FBXL17: variants seen among roughly 807,000 people sequenced by gnomAD.
FBXL17 encodes F-box and leucine rich repeat protein 17.
FBXL17 carries 22 observed loss-of-function variants against 66.2 expected under a neutral mutation model. That is an observed-to-expected ratio of 0.33 (90% confidence interval 0.24 to 0.47). The LOEUF (loss-of-function observed/expected upper bound fraction) is 0.47, where lower values mean the gene tolerates loss of function less well. FBXL17 is among the 20% of genes least tolerant of loss of function. The pLI is 1.00. For synonymous variants in FBXL17, 474 were observed against 400.5 expected, an observed-to-expected ratio of 1.18 and a Z score of -2.19; for missense variants, 878 against 948.2, an observed-to-expected ratio of 0.93 and a Z score of 0.97.
intron 3 of FBXL17, among the ~76,000 whole-genome samples, chr5:108,355,586 A>T (rs769168516): frequency 6.6e-6 from 1 of 152,116 alleles, no homozygotes; most frequent in Non-Finnish European, 1.5e-5. Context: ...CCCAGCCAGA[A>T]AACTTTAAAA....
At chr5:108,152,922 T>C (rs1751827252) in intron 6 of FBXL17, among the ~76,000 whole-genome samples, 1 of 152,206 alleles carries the variant, frequency 6.6e-6, no homozygotes, top group Admixed American at 6.5e-5. Context: ...ATAATTCCCA[T>C]GTGTCGTGGG....
At chr5:108,016,210 A>C (rs1219286749) in intron 7 of FBXL17, among the ~76,000 whole-genome samples, 2 of 152,168 alleles carry the variant, frequency 1.3e-5, no homozygotes, top group African/African-American at 2.4e-5. Context: ...GTCAAGCCAC[A>C]TGGTTATGTT....
At position 108,055,630 on chromosome 5, in the gene FBXL17, A is replaced by AAAAG. The variant is rs1554060745; in HGVS notation, c.1746-34630_1746-34629insCTTT. ...TCTCAAAAAAAAAAAAAAAAAAAAA[A>AAAAG]AGAGAGAAAAAACCCTTCAAAATAA... On this transcript the variant is annotated intron_variant, in intron 6 of 8. Transcript: ENST00000542267. Among the ~76,000 whole-genome samples, 239 of 149,136 alleles carry AAAAG rather than the reference A, an allele frequency of 1.6e-3. 1 individual carries two copies. The highest frequency in any genetic ancestry group is 5.5e-3 in the African/African-American group (223 of 40,286).
At chr5:108,266,690 C>T (rs902724750) in intron 4 of FBXL17, among the ~76,000 whole-genome samples, 4 of 151,936 alleles carry the variant, frequency 2.6e-5, no homozygotes, top group Admixed American at 2.0e-4. Context: ...ATGGTAAGAA[C>T]GAATCTTCTA....
intron 6 of FBXL17, among the ~76,000 whole-genome samples, chr5:108,036,697 G>A (rs1746855155): frequency 6.6e-6 from 1 of 151,982 alleles, no homozygotes; most frequent in Admixed American, 6.6e-5. Context: ...GACTTTTCCG[G>A]CTACCATTCA....
At chr5:108,314,225 T>A (rs1296933364) in intron 4 of FBXL17, among the ~76,000 whole-genome samples, 1 of 151,730 alleles carries the variant, frequency 6.6e-6, no homozygotes, top group East Asian at 1.9e-4. Context: ...CTTCTGAATA[T>A]ATTTTCTCTT....
intron 6 of FBXL17, among the ~76,000 whole-genome samples, chr5:108,124,770 A>G (rs1750631689): frequency 6.6e-6 from 1 of 152,106 alleles, no homozygotes; most frequent in Non-Finnish European, 1.5e-5. Flanking sequence ...ATTTATAGGC[A>G]TATAAAATTT....
intron 7 of FBXL17, among the ~76,000 whole-genome samples, chr5:107,945,078 T>G (rs1751237482): frequency 6.6e-6 from 1 of 151,986 alleles, no homozygotes; most frequent in African/African-American, 2.4e-5. Context: ...AGAAAAAAAT[T>G]GAATCTTCTA....
intron 4 of FBXL17, among the ~76,000 whole-genome samples, chr5:108,321,188 G>C (rs1025038680): frequency 6.6e-6 from 1 of 151,714 alleles, no homozygotes; most frequent in African/African-American, 2.4e-5. Context: ...TATTGCTGTA[G>C]TATGTTCAAA....
intron 4 of FBXL17, among the ~76,000 whole-genome samples, chr5:108,229,989 C>A (rs1336231368): frequency 6.6e-6 from 1 of 152,068 alleles, no homozygotes; most frequent in African/African-American, 2.4e-5. Context: ...CACTAATGAT[C>A]AGGGAAATGT....
intron 8 of FBXL17, among the ~76,000 whole-genome samples, chr5:107,875,602 G>A (rs966497476): frequency 6.6e-6 from 1 of 152,122 alleles, no homozygotes; most frequent in Non-Finnish European, 1.5e-5. Flanking sequence ...CTTGCTTTCT[G>A]TATTGGCTTC....
At chr5:108,305,497 AG>A (rs75939202) in intron 4 of FBXL17, among the ~76,000 whole-genome samples, 2,301 of 152,130 alleles carry the variant, frequency 0.015, 22 homozygotes, top group South Asian at 0.034. Context: ...GGAAAAAAAA[AG>A]AAGTGAGGAT....
At chr5:108,160,551 A>G (rs1752172391) in intron 6 of FBXL17, among the ~76,000 whole-genome samples, 1 of 152,214 alleles carries the variant, frequency 6.6e-6, no homozygotes, top group South Asian at 2.1e-4. Flanking sequence ...TAAGAAGAAT[A>G]GTTTTTCATA....
At chr5:108,087,452 C>T (rs1749016111) in intron 6 of FBXL17, among the ~76,000 whole-genome samples, 2 of 152,050 alleles carry the variant, frequency 1.3e-5, no homozygotes, top group Admixed American at 1.3e-4. Flanking sequence ...GCAGGACACT[C>T]CAACAGGGAA....
chr5:108,277,447 A>G (rs1209955940), intron 4 of FBXL17, among the ~76,000 whole-genome samples: 3 of 152,202 alleles, frequency 2.0e-5, no homozygotes, highest in Non-Finnish European at 4.4e-5. Flanking sequence ...AAAATTGAAG[A>G]GTAAAACAAG....
At position 108,232,792 on chromosome 5, in the gene FBXL17, T is replaced by TATATATATATATATATATATATTA. The variant is rs1554077844; in HGVS notation, c.1507-8565_1507-8564insTAATATATATATATATATATATAT. 5.5e-5 allele frequency among the ~76,000 whole-genome samples: 6 copies of TATATATATATATATATATATATTA among 109,536 alleles called. 1 individual carries two copies. The highest frequency in any genetic ancestry group is 1.0e-4 in the Non-Finnish European group (5 of 49,376). 71.9% of individuals were successfully genotyped at this position (109,536 alleles called of 152,430 possible). On this transcript the variant is annotated intron_variant, in intron 4 of 8. Transcript: ENST00000542267. ...CTGAATAAGCTCTCACATATATATA[T>TATATATATATATATATATATATTA]ATATATATATATAATATATACTATT...
At chr5:108,294,475 C>T (rs1223048560) in intron 4 of FBXL17, among the ~76,000 whole-genome samples, 1 of 151,796 alleles carries the variant, frequency 6.6e-6, no homozygotes, top group Non-Finnish European at 1.5e-5. Context: ...TTCAGTGATT[C>T]TCAATCATTA....
At chr5:108,146,988 G>T (rs1246261104) in intron 6 of FBXL17, among the ~76,000 whole-genome samples, 1 of 152,166 alleles carries the variant, frequency 6.6e-6, no homozygotes, top group East Asian at 1.9e-4. Flanking sequence ...TCTGATGAAG[G>T]TTCTCTCTCT....
At chr5:108,225,250 T>C (rs1275269057) in intron 4 of FBXL17, among the ~76,000 whole-genome samples, 2 of 152,234 alleles carry the variant, frequency 1.3e-5, no homozygotes, top group Non-Finnish European at 2.9e-5. Context: ...TGGAATTTCC[T>C]TACTTTTCAA....
Sources: gnomAD v4.1 joint callset for allele counts (sites outside exome capture counted in the v4.1 genomes callset) on GRCh38, gnomAD v4.1.1 for gene constraint, MANE v1.5 for transcripts, NCBI Gene and HGNC (gene_info 2026-07-23, HGNC 2026-07-21) for gene names.